LSS: variants seen among roughly 807,000 people sequenced by gnomAD.
LSS encodes the protein 2,3-epoxysqualene-lanosterol cyclase.
Under a neutral mutation model 110.3 loss-of-function variants are expected in LSS, and 90 were observed. That is an observed-to-expected ratio of 0.82 (90% CI 0.69 to 0.97). The LOEUF is 0.97. LSS is among the 50% of genes least tolerant of loss of function. The pLI is 0.00. For missense variants in LSS, 927 were observed against 990.0 expected (o/e 0.94, Z 0.85); for synonymous variants, 433 against 400.0 (o/e 1.08, Z -0.98).
At position 46,219,578 on chromosome 21, in the gene LSS, C is replaced by A. The variant is rs2277826; in HGVS notation, c.551-6G>T. Reference sequence around the variant, plus strand: ...GGGGATGGCCACAGCACCACCTGAGCGGGGAGAGAATAGGCCCACGTCATC... The same window carrying A: ...GGGGATGGCCACAGCACCACCTGAGAGGGGAGAGAATAGGCCCACGTCATC... On this transcript the variant is annotated splice_polypyrimidine_tract_variant and splice_region_variant and intron_variant, in intron 5 of 21. Coordinates refer to ENST00000397728, the MANE Select transcript of LSS (RefSeq NM_002340.6). 6.4e-6 allele frequency: 10 copies of A among 1,571,434 alleles called. No homozygotes were observed. In the South Asian group the frequency reaches 9.4e-5, roughly 15 times the overall value.
At chr21:46,207,360 G>A in intron 15 of LSS, 68 bp downstream of exon 15, 2 of 1,568,380 alleles carry the variant, frequency 1.3e-6, no homozygotes, top group South Asian at 2.3e-5. Flanking sequence ...CCACAGGAGT[G>A]GAAGTGAGCA....
intron 6 of LSS, among the ~76,000 whole-genome samples, chr21:46,217,956 C>T (rs935912051): frequency 1.3e-5 from 2 of 152,188 alleles, no homozygotes; most frequent in African/African-American, 2.4e-5. Context: ...TCTACCCTCC[C>T]GGGGTGATCT....
intron 11 of LSS, among the ~76,000 whole-genome samples, chr21:46,211,200 C>T (rs1023331197): frequency 4.6e-5 from 7 of 152,260 alleles, no homozygotes; most frequent in Middle Eastern, 3.4e-3. Context: ...GATCTCAGCT[C>T]GCTGCAAGCT....
intron 9 of LSS, among the ~76,000 whole-genome samples, chr21:46,214,804 C>T (rs901988396): frequency 1.3e-5 from 2 of 152,084 alleles, no homozygotes; most frequent in East Asian, 1.9e-4. Context: ...CTAAACCCCA[C>T]GGGAGAATGG....
At chr21:46,191,793 A>G in intron 21 of LSS, 88 bp downstream of exon 21, 1 of 1,142,428 alleles carries the variant, frequency 8.8e-7, no homozygotes, top group Admixed American at 2.0e-5. Context: ...GTACCCCAAA[A>G]AGGACACAGA....
Position 46,209,642 on chromosome 21 carries a change from G to A in LSS, c.1195-17C>T, listed in dbSNP as rs777709317. 3 of 1,604,746 alleles carry A rather than the reference G, an allele frequency of 1.9e-6. No individual in the cohort carries two copies. Among genetic ancestry groups the A allele is most frequent in the East Asian group, 2.2e-5 (1 of 44,632 alleles). ...CCCGCCCGCCTGGAAGAGACAGCAG[G>A]ACAGAGAGGCTCAGCTGCCCTTGCA... On this transcript the variant is annotated splice_polypyrimidine_tract_variant and intron_variant, in intron 12 of 21. Coordinates refer to ENST00000397728, the MANE Select transcript of LSS (RefSeq NM_002340.6). This position sits in a 1 kb window ranked among gnomAD's most constrained non-coding sequence, Gnocchi z 4.4.
intron 10 of LSS, 25 bp downstream of exon 10, chr21:46,213,713 G>C: frequency 1.3e-6 from 2 of 1,599,640 alleles, no homozygotes; most frequent in South Asian, 2.2e-5. Context: ...GAGAGGCCCC[G>C]CCAGCATATC....
At chr21:46,194,310 C>T (rs774370322) in intron 20 of LSS, among the ~76,000 whole-genome samples, 181 bp downstream of exon 20, 2 of 152,230 alleles carry the variant, frequency 1.3e-5, no homozygotes, top group Non-Finnish European at 2.9e-5. Flanking sequence ...GAGCAGCCCA[C>T]GTTCTTGCCC....
rs76143690 is a variant in LSS, at chr21:46,228,274, G to A, written c.180+160C>T. ...TGCGTGGTTTAGAGATGAAGGGGCT[G>A]AAGCGGAGGGGCCCGCGAACGCAGT... is the stretch of plus-strand genomic sequence containing the variant. On this transcript the variant is annotated intron_variant, in intron 2 of 21. Coordinates refer to ENST00000397728, the MANE Select transcript of LSS (RefSeq NM_002340.6). 9.7e-3 allele frequency among the ~76,000 whole-genome samples: 1,475 copies of A among 152,374 alleles called. 31 individuals carry two copies. Among genetic ancestry groups the A allele is most frequent in the African/African-American group, 0.034 (1,423 of 41,586 alleles).
chr21:46,221,262 C>G (rs1161948183), intron 5 of LSS, among the ~76,000 whole-genome samples: 2 of 152,088 alleles, frequency 1.3e-5, no homozygotes, highest in Admixed American at 6.5e-5. Flanking sequence ...TTGCCTGCAG[C>G]CAGGCTGCCC....
intron 3 of LSS, 137 bp downstream of exon 3, chr21:46,227,415 G>T: frequency 9.3e-7 from 1 of 1,076,858 alleles, no homozygotes; most frequent in Non-Finnish European, 1.3e-6. Flanking sequence ...TCTGACATAG[G>T]GCAGAGTTTG....
At chr21:46,207,308 C>T (rs956177869) in intron 15 of LSS, 120 bp downstream of exon 15, 25 of 1,260,382 alleles carry the variant, frequency 2.0e-5, no homozygotes, top group Non-Finnish European at 2.5e-5. Flanking sequence ...CATCCAAGGA[C>T]AAGCTCCTAC....
chr21:46,201,618 T>C (rs901939405), intron 17 of LSS, among the ~76,000 whole-genome samples: 1 of 152,094 alleles, frequency 6.6e-6, no homozygotes, highest in African/African-American at 2.4e-5. Context: ...TGCCACCCAC[T>C]AAAGAATTCT....
In LSS at chr21:46,215,262, TG is replaced by T. The variant is rs2080186843; in HGVS notation, c.928del (p.His310ThrfsTer67). ...LNLYEHHHSA[H>X]LRQRAVQKLY... ...CTTCTGCACGGCCCGCTGCCGCAGG[TG>T]GGCACTGTGGTGGTGCTCATACAGG... On this transcript the variant is annotated frameshift_variant, in exon 9 of 22. Transcript: ENST00000397728. LOFTEE classifies it high-confidence loss of function. The T allele has an allele frequency of 6.2e-7, 1 of 1,609,900 alleles. No individual in the cohort carries two copies. The highest frequency in any genetic ancestry group is 8.5e-7 in the Non-Finnish European group (1 of 1,179,398).
chr21:46,223,046 C>T (rs2080297025), intron 3 of LSS, among the ~76,000 whole-genome samples: 1 of 152,190 alleles, frequency 6.6e-6, no homozygotes, highest in Admixed American at 6.5e-5. Context: ...AGGAAGGTCT[C>T]CCCCAAGTGC....
chr21:46,218,059 G>A (rs995723961), intron 6 of LSS, among the ~76,000 whole-genome samples: 3 of 151,770 alleles, frequency 2.0e-5, no homozygotes, highest in African/African-American at 7.3e-5. Context: ...GTCCTTTCTT[G>A]AGCGGCCCCT....
intron 17 of LSS, among the ~76,000 whole-genome samples, chr21:46,197,496 C>T (rs2079923875): frequency 6.6e-6 from 1 of 152,184 alleles, no homozygotes; most frequent in Non-Finnish European, 1.5e-5. Context: ...AAAGGAGGAA[C>T]ACTCTCTAGC....
At chr21:46,195,041 G>C (rs975243300) in intron 19 of LSS, among the ~76,000 whole-genome samples, 1 of 152,206 alleles carries the variant, frequency 6.6e-6, no homozygotes, top group Non-Finnish European at 1.5e-5. Context: ...GGCAGCTGGA[G>C]ACAGGGCTGG....
At chr21:46,225,510 GCCTGAC>G in intron 3 of LSS, 1 of 413,394 alleles carries the variant, frequency 2.4e-6, no homozygotes, top group South Asian at 1.7e-5. Context: ...CTTGTGGACG[GCCTGAC>G]ATCAGTCAGG....
Sources: gnomAD v4.1 joint callset for allele counts (sites outside exome capture counted in the v4.1 genomes callset) on GRCh38, gnomAD v4.1.1 for gene constraint, Gnocchi (gnomAD v3.1) non-coding constraint, MANE v1.5 for transcripts, NCBI Gene and HGNC (gene_info 2026-07-23, HGNC 2026-07-21) for gene names.